AKAP9: variants seen among roughly 807,000 people sequenced by gnomAD.
AKAP9 encodes A-kinase anchoring protein 9.
In AKAP9, 311 loss-of-function variants were observed where a neutral mutation model predicts 488.5. The observed-to-expected ratio is 0.64, with a 90% CI of 0.58 to 0.70. The LOEUF (loss-of-function observed/expected upper bound fraction) is 0.70, where lower values mean the gene tolerates loss of function less well. AKAP9 is among the 30% of genes least tolerant of loss of function. The pLI is 0.00. For missense variants in AKAP9, 4,215 were observed against 4,374.5 expected (o/e 0.96, Z 1.03); for synonymous variants, 1,462 against 1,483.5 (o/e 0.99, Z 0.33).
chr7:92,080,319 A>G lies in AKAP9; in HGVS notation c.8019+167A>G, dbSNP rs180911729. Reference sequence around the variant, plus strand: ...AACTCTTGTTAAAAGAAAAACTAGGACAGGCGCGGTGGCCCACGCCTGTAA... The same window carrying G: ...AACTCTTGTTAAAAGAAAAACTAGGGCAGGCGCGGTGGCCCACGCCTGTAA... On this transcript the variant is annotated intron_variant, in intron 31 of 49. Transcript: ENST00000356239. 2.6e-3 allele frequency among the ~76,000 whole-genome samples: 400 copies of G among 152,222 alleles called. 1 individual carries two copies. The highest frequency in any genetic ancestry group is 9.3e-3 in the African/African-American group (388 of 41,576).
intron 10 of AKAP9, among the ~76,000 whole-genome samples, chr7:92,015,447 C>A (rs1483634658): frequency 6.6e-6 from 1 of 151,404 alleles, no homozygotes; most frequent in Non-Finnish European, 1.5e-5. Flanking sequence ...TCACTGTGAC[C>A]TCTGCCTCCT....
chr7:92,031,648 C>T (rs1349777958), intron 16 of AKAP9, 44 bp downstream of exon 16: 2 of 1,382,104 alleles, frequency 1.4e-6, no homozygotes, highest in Non-Finnish European at 2.1e-6. Flanking sequence ...GTTTATATTC[C>T]CTTTGAGCCT....
intron 1 of AKAP9, among the ~76,000 whole-genome samples, chr7:91,971,834 G>T (rs976250388): frequency 1.3e-5 from 2 of 151,802 alleles, no homozygotes; most frequent in South Asian, 2.1e-4. Context: ...TTCCCAAAGT[G>T]CTGGGATTAC....
At chr7:92,046,687 C>CT (rs1807064246) in intron 21 of AKAP9, among the ~76,000 whole-genome samples, 1 of 152,140 alleles carries the variant, frequency 6.6e-6, no homozygotes, top group Non-Finnish European at 1.5e-5. Context: ...TCAGTCACGG[C>CT]TATTTTATTT....
intron 11 of AKAP9, 121 bp from the exon 12 acceptor site, chr7:92,016,896 A>G (rs1801584601): frequency 1.1e-5 from 8 of 704,168 alleles, no homozygotes; most frequent in East Asian, 2.8e-5. Flanking sequence ...GTTACTAAAT[A>G]TCTGAGGTTT....
intron 2 of AKAP9, 68 bp downstream of exon 2, chr7:91,974,036 A>G: frequency 1.3e-6 from 2 of 1,573,350 alleles, no homozygotes; most frequent in Non-Finnish European, 1.7e-6. Context: ...AACAGTCATT[A>G]GCAACTGTGC....
chr7:92,070,975 C>T lies in AKAP9; in HGVS notation c.6578C>T (p.Ala2193Val), dbSNP rs1196844754. The change falls in exon 28 of 50, where the codon GCT becomes GTT. Residue 2193 changes from alanine (A) to valine (V), a missense_variant. Transcript: ENST00000356239. ...TTGTCCCTAGAAGTACAATTGCAGG[C>T]TGAACGAGATGCCATAGACAGAAAG... ...PELSLEVQLQ[A>V]ERDAIDRKEK... The T allele has an allele frequency of 6.2e-7, 1 of 1,613,832 alleles. No homozygotes were observed. The highest frequency in any genetic ancestry group is 1.1e-5 in the South Asian group (1 of 91,068).
intron 40 of AKAP9, 125 bp from the exon 41 acceptor site, chr7:92,096,564 T>C: frequency 1.9e-6 from 2 of 1,049,564 alleles, no homozygotes; most frequent in Non-Finnish European, 2.8e-6. Flanking sequence ...CTTGAACTCT[T>C]GACCTCAGGT....
In AKAP9 at chr7:92,002,042, CTT is replaced by C. The variant is rs1210443743; in HGVS notation, c.2126_2127del (p.Leu709ArgfsTer14). On this transcript the variant is annotated frameshift_variant, in exon 8 of 50. Transcript: ENST00000356239. LOFTEE classifies it high-confidence loss of function. Reference sequence around the variant, plus strand: ...AAAGCTAAAAGATTTACAGCAGTCTCTTGTAAATTCAAAGTCAGAAGAAATGA... The same window carrying C: ...AAAGCTAAAAGATTTACAGCAGTCTCGTAAATTCAAAGTCAGAAGAAATGA... ...ISKLKDLQQS[L>X]VNSKSEEMTL... The C allele has an allele frequency of 6.2e-7, 1 of 1,603,678 alleles. No individual in the cohort carries two copies. Among genetic ancestry groups the C allele is most frequent in the Non-Finnish European group, 8.5e-7 (1 of 1,176,580 alleles).
intron 9 of AKAP9, among the ~76,000 whole-genome samples, chr7:92,013,200 C>G (rs1227206615): frequency 2.7e-5 from 4 of 150,934 alleles, no homozygotes. Context: ...ACCGTTTTAG[C>G]CGGGATGGTC....
At chr7:92,036,166 T>C (rs1384011627) in intron 16 of AKAP9, among the ~76,000 whole-genome samples, 3 of 152,150 alleles carry the variant, frequency 2.0e-5, no homozygotes, top group Non-Finnish European at 4.4e-5. Flanking sequence ...ACTTTGAAGG[T>C]AACATTCCAG....
chr7:91,941,747 G>A (rs1790784199), intron 1 of AKAP9, among the ~76,000 whole-genome samples: 1 of 152,170 alleles, frequency 6.6e-6, no homozygotes. Context: ...CATGGCATGC[G>A]CTTTTGTGTC....
chr7:92,038,442 A>C lies in AKAP9; in HGVS notation c.4362A>C (p.Ala1454=). The C allele has an allele frequency of 6.2e-7, 1 of 1,613,586 alleles. No homozygotes were observed. Among genetic ancestry groups the C allele is most frequent in the Non-Finnish European group, 8.5e-7 (1 of 1,179,636 alleles). The change falls in exon 17 of 50, where the codon GCA becomes GCC. Residue 1454 remains alanine, a synonymous_variant. Coordinates refer to ENST00000356239, the MANE Select transcript of AKAP9 (RefSeq NM_005751.5). ...VAKVIVSMSI[A]FAQQTELSRI... ...AGGTTATTGTGTCAATGAGTATAGC[A>C]TTTGCTCAACAAACTGAACTGTCTA...
chr7:92,056,575 A>G (rs1038780629), intron 22 of AKAP9, among the ~76,000 whole-genome samples: 7 of 150,994 alleles, frequency 4.6e-5, no homozygotes, highest in Admixed American at 2.0e-4. Context: ...GACTAACTGG[A>G]GGGTTGCATA....
chr7:91,998,418 CTTTTTTTTTT>C (rs60778133), intron 7 of AKAP9, among the ~76,000 whole-genome samples: 34 of 53,952 alleles, frequency 6.3e-4, no homozygotes, highest in African/African-American at 1.5e-3. Flanking sequence ...CCACAGGGCT[CTTTTTTTTTT>C]TTTTTTTTTT....
At chr7:92,033,905 A>G (rs1804720204) in intron 16 of AKAP9, among the ~76,000 whole-genome samples, 1 of 152,240 alleles carries the variant, frequency 6.6e-6, no homozygotes, top group South Asian at 2.1e-4. Context: ...GAAGTATAAC[A>G]GAGAATAAAA....
At chr7:92,009,497 C>T (rs1800395052) in intron 8 of AKAP9, among the ~76,000 whole-genome samples, 1 of 152,136 alleles carries the variant, frequency 6.6e-6, no homozygotes. Flanking sequence ...TCCTCTCCTC[C>T]AACCAGAAAT....
intron 43 of AKAP9, among the ~76,000 whole-genome samples, chr7:92,098,964 T>G (rs1249412704): frequency 6.6e-6 from 1 of 152,168 alleles, no homozygotes; most frequent in Non-Finnish European, 1.5e-5. Flanking sequence ...CTAAACATTT[T>G]TCCCTGGGGA....
chr7:92,042,074 T>C lies in AKAP9; in HGVS notation c.4946T>C (p.Val1649Ala), dbSNP rs1806203177. 1 of 1,613,784 alleles carries C rather than the reference T, an allele frequency of 6.2e-7. No individual in the cohort carries two copies. The highest frequency in any genetic ancestry group is 1.7e-5 in the Admixed American group (1 of 59,958). The change falls in exon 19 of 50, where the codon GTT becomes GCT. Residue 1649 changes from valine (V) to alanine (A), a missense_variant. Val to Ala is a moderately conservative substitution (Grantham distance 64). Coordinates refer to ENST00000356239, the MANE Select transcript of AKAP9 (RefSeq NM_005751.5). ...TCCTCCATAGATAATGAAAACCTGG[T>C]TTCAGAGAGAGAGAGGGTGCTTTTA... ...QRSSIDNENL[V>A]SERERVLLEE...
Sources: gnomAD v4.1 joint callset for allele counts (sites outside exome capture counted in the v4.1 genomes callset) on GRCh38, gnomAD v4.1.1 for gene constraint, MANE v1.5 for transcripts, NCBI Gene and HGNC (gene_info 2026-07-23, HGNC 2026-07-21) for gene names.